Variants in ARHGAP32 observed in about 807,000 individuals in gnomAD.
The protein encoded by ARHGAP32 is rho GTPase-activating protein 32.
Under a neutral mutation model 186.5 loss-of-function variants are expected in ARHGAP32, and 51 were observed. The ratio of observed to expected loss-of-function variants is 0.27; its 90% CI spans 0.22 to 0.35. The LOEUF is 0.35. Ranked by LOEUF, ARHGAP32 falls within the 10% of genes least tolerant of loss-of-function variation. The pLI is 1.00. For synonymous variants in ARHGAP32, 950 were observed against 964.3 expected (o/e 0.99, Z 0.27); for missense variants, 2,186 against 2,623.5 (o/e 0.83, Z 3.64).
intron 19 of ARHGAP32, among the ~76,000 whole-genome samples, chr11:128,977,851 T>TTTTTTA (rs368859931): frequency 3.3e-4 from 46 of 138,964 alleles, no homozygotes; most frequent in South Asian, 4.8e-4. Context: ...TTATTTGCAA[T>TTTTTTA]TTATTATTAT....
chr11:128,978,682 C>G, intron 19 of ARHGAP32, 88 bp downstream of exon 19: 1 of 1,333,382 alleles, frequency 7.5e-7, no homozygotes, highest in Non-Finnish European at 1.0e-6. Flanking sequence ...GTTATGGAAG[C>G]AGATCATAAC....
In ARHGAP32 at chr11:129,009,532, A is replaced by C. The variant is rs895358837; in HGVS notation, c.1046-11064T>G. 5.9e-5 allele frequency among the ~76,000 whole-genome samples: 9 copies of C among 152,120 alleles called. No homozygotes were observed. The East Asian group carries it at 1.7e-3, about 29-fold the overall frequency. ...AGCTCCACTGTGTGTTGTTCCCCCC[A>C]TGCATCCATGTGTTCTCATTGTTCA... On this transcript the variant is annotated intron_variant, in intron 11 of 22. Transcript: ENST00000682385.
At chr11:129,136,625 C>A (rs898204198) in intron 2 of ARHGAP32, among the ~76,000 whole-genome samples, 3 of 152,042 alleles carry the variant, frequency 2.0e-5, no homozygotes, top group Non-Finnish European at 4.4e-5. Flanking sequence ...TAAATCAAAT[C>A]TATCATTGTG....
intron 2 of ARHGAP32, among the ~76,000 whole-genome samples, chr11:129,149,885 A>AT (rs960624750): frequency 3.9e-5 from 6 of 152,106 alleles, no homozygotes; most frequent in African/African-American, 1.2e-4. Context: ...ATGTAAAGAA[A>AT]TTTTTTTAGA....
intron 11 of ARHGAP32, among the ~76,000 whole-genome samples, chr11:129,039,570 C>T (rs1349363408): frequency 6.6e-6 from 1 of 152,034 alleles, no homozygotes; most frequent in African/African-American, 2.4e-5. Flanking sequence ...GGGCTGGGAG[C>T]AGTATGAGGG....
At chr11:129,188,488 T>C (rs1372997828) in intron 1 of ARHGAP32, among the ~76,000 whole-genome samples, 1 of 152,144 alleles carries the variant, frequency 6.6e-6, no homozygotes, top group East Asian at 1.9e-4. Context: ...GCCTAGAAGA[T>C]GTACAATACC....
chr11:129,176,555 A>T (rs1379285150), intron 1 of ARHGAP32, among the ~76,000 whole-genome samples: 6 of 149,148 alleles, frequency 4.0e-5, no homozygotes, highest in Non-Finnish European at 8.9e-5. Flanking sequence ...TCCTCAGCAA[A>T]TGTAAAAGAA....
Position 129,043,161 on chromosome 11 carries a change from A to G in ARHGAP32, c.964-2152T>C, listed in dbSNP as rs115813326. Among the ~76,000 whole-genome samples, 944 of 152,268 alleles carry G rather than the reference A, an allele frequency of 6.2e-3. 14 individuals are homozygous for G. The highest frequency in any genetic ancestry group is 0.022 in the African/African-American group (913 of 41,564). ...TTGTTTCAGAATTTATGGAGTATAC[A>G]ATTCATGTTTCTAAAAGAGCCTACC... On this transcript the variant is annotated intron_variant, in intron 10 of 22. Coordinates refer to ENST00000682385, the MANE Select transcript of ARHGAP32 (RefSeq NM_001378024.1).
At chr11:129,163,527 T>C (rs1215372738) in intron 2 of ARHGAP32, among the ~76,000 whole-genome samples, 5 of 152,146 alleles carry the variant, frequency 3.3e-5, no homozygotes, top group Admixed American at 6.6e-5. Context: ...CCATTCTTAA[T>C]ATATCTTCAT....
chr11:129,129,078 C>T (rs12286797), intron 2 of ARHGAP32, among the ~76,000 whole-genome samples: 2,863 of 151,688 alleles, frequency 0.019, 53 homozygotes, highest in African/African-American at 0.041. Flanking sequence ...TCTGCCCCGC[C>T]GCCCCGTCTG....
chr11:128,971,180 T>A, intron 22 of ARHGAP32, 21 bp from the exon 23 acceptor site: 2 of 1,568,238 alleles, frequency 1.3e-6, no homozygotes, highest in East Asian at 4.5e-5. Context: ...ATGATAATAC[T>A]ATGGGTCTAT....
chr11:128,981,360 ACTC>A, intron 17 of ARHGAP32, 53 bp downstream of exon 17: 1 of 1,516,248 alleles, frequency 6.6e-7, no homozygotes, highest in Non-Finnish European at 8.9e-7. Flanking sequence ...ATGGTTTGCT[ACTC>A]CTCTGGAAGC....
chr11:129,095,027 A>G (rs1355876553), intron 5 of ARHGAP32, among the ~76,000 whole-genome samples: 1 of 152,240 alleles, frequency 6.6e-6, no homozygotes, highest in East Asian at 1.9e-4. Flanking sequence ...TATATTCTCT[A>G]TTGAGGAAAG....
intron 1 of ARHGAP32, among the ~76,000 whole-genome samples, chr11:129,180,704 A>T (rs1278005541): frequency 6.6e-6 from 1 of 152,160 alleles, no homozygotes; most frequent in Non-Finnish European, 1.5e-5. Context: ...CTAACAAAAA[A>T]GCTGTAGTTA....
At chr11:129,087,636 A>G (rs1941445917) in intron 6 of ARHGAP32, among the ~76,000 whole-genome samples, 1 of 152,214 alleles carries the variant, frequency 6.6e-6, no homozygotes, top group African/African-American at 2.4e-5. Context: ...TTATAATACT[A>G]TTCTGTATGA....
intron 2 of ARHGAP32, among the ~76,000 whole-genome samples, chr11:129,134,464 AAAG>A (rs1199817204): frequency 8.5e-5 from 13 of 152,216 alleles, no homozygotes; most frequent in African/African-American, 2.7e-4. Context: ...AGAATTAATC[AAAG>A]AATGTATCAA....
At chr11:129,219,411 C>T (rs573388318) in intron 1 of ARHGAP32, among the ~76,000 whole-genome samples, 27 of 152,282 alleles carry the variant, frequency 1.8e-4, no homozygotes, top group Admixed American at 8.5e-4. Context: ...CAAGCTGAGA[C>T]ACCTTTTTGG....
At chr11:129,050,288 T>C (rs1024600412) in intron 10 of ARHGAP32, among the ~76,000 whole-genome samples, 2 of 152,248 alleles carry the variant, frequency 1.3e-5, no homozygotes, top group Non-Finnish European at 2.9e-5. Context: ...TATGTATTAA[T>C]TTGCCATTCA....
rs1945244281 is a variant in ARHGAP32, at chr11:128,967,363, A to T, written c.*1544T>A. 6.6e-6 allele frequency: 1 copy of T among 152,228 alleles called. No individual in the cohort carries two copies. The highest frequency in any genetic ancestry group is 1.5e-5 in the Non-Finnish European group (1 of 68,030). The allele number at this position is 152,228 out of a possible 1,614,324, so 9.4% of individuals were successfully genotyped here. On this transcript the variant is annotated 3_prime_UTR_variant, in exon 23 of 23. Transcript: ENST00000682385. ...GCAACCATCCAGTAATTGGAATGCA[A>T]TTCTCCTAGTGTCTTCTACAGACCG...
Sources: gnomAD v4.1 joint callset for allele counts (sites outside exome capture counted in the v4.1 genomes callset) on GRCh38, gnomAD v4.1.1 for gene constraint, MANE v1.5 for transcripts, NCBI Gene and HGNC (gene_info 2026-07-23, HGNC 2026-07-21) for gene names.